PLD5: variants seen among roughly 807,000 people sequenced by gnomAD.
The protein encoded by PLD5 is phospholipase D family member 5.
PLD5 carries 36 observed loss-of-function variants against 61.1 expected under a neutral mutation model. The observed-to-expected ratio is 0.59, with a 90% CI of 0.45 to 0.78. PLD5 has a LOEUF of 0.78. Among genes scored for constraint, PLD5 ranks in the 30% least tolerant of loss-of-function variants. The probability of loss-of-function intolerance (pLI) is 0.00; values close to 1 mark genes in which losing one functional copy is unlikely to be tolerated. For missense variants in PLD5, 515 were observed against 644.4 expected (o/e 0.80, Z 2.17); for synonymous variants, 243 against 242.8 (o/e 1.00, Z -0.01).
At chr1:242,096,682 TG>T (rs370066476) in intron 9 of PLD5, among the ~76,000 whole-genome samples, 21 of 134,890 alleles carry the variant, frequency 1.6e-4, no homozygotes, top group Admixed American at 8.0e-4. Flanking sequence ...AAGTCTTTTT[TG>T]TTTTTTTTTT....
chr1:242,238,777 T>G (rs376247211), intron 4 of PLD5, among the ~76,000 whole-genome samples: 1 of 152,168 alleles, frequency 6.6e-6, no homozygotes, highest in Non-Finnish European at 1.5e-5. Flanking sequence ...TTTGAGGTTA[T>G]GGGGCCATCT....
chr1:242,487,642 A>T lies in PLD5; in HGVS notation c.189+36446T>A, dbSNP rs139740027. On this transcript the variant is annotated intron_variant, in intron 1 of 9. Coordinates refer to ENST00000536534, the MANE Select transcript of PLD5 (RefSeq NM_001372062.1). Reference sequence around the variant, plus strand: ...TGGGAAAATAATCTTTGCAAAATACACAACTGATGGACTGGTATCTAAAAT... The same window carrying T: ...TGGGAAAATAATCTTTGCAAAATACTCAACTGATGGACTGGTATCTAAAAT... Among the ~76,000 whole-genome samples the T allele has an allele frequency of 5.2e-3, 797 of 152,292 alleles. 4 individuals are homozygous for T. Among genetic ancestry groups the T allele is most frequent in the Non-Finnish European group, 8.0e-3 (545 of 68,010 alleles).
At chr1:242,132,046 G>T (rs565214758) in intron 5 of PLD5, among the ~76,000 whole-genome samples, 2 of 151,682 alleles carry the variant, frequency 1.3e-5, no homozygotes, top group Admixed American at 1.3e-4. Context: ...GGCCAGGATG[G>T]TCTTGAACTC....
chr1:242,273,003 C>T (rs1674194981), intron 3 of PLD5, among the ~76,000 whole-genome samples: 1 of 152,096 alleles, frequency 6.6e-6, no homozygotes. Context: ...TGGTTTGCTG[C>T]ACCTGTCAAC....
intron 8 of PLD5, among the ~76,000 whole-genome samples, chr1:242,105,011 T>C (rs1343902148): frequency 6.6e-5 from 10 of 152,186 alleles, no homozygotes; most frequent in Non-Finnish European, 1.2e-4. Flanking sequence ...TAATAAACGA[T>C]GTAGCATTGG....
At chr1:242,449,005 T>C (rs904308768) in intron 1 of PLD5, among the ~76,000 whole-genome samples, 7 of 152,198 alleles carry the variant, frequency 4.6e-5, no homozygotes, top group African/African-American at 1.7e-4. Flanking sequence ...CTTTGAAGAA[T>C]CTCATGGAAA....
intron 1 of PLD5, among the ~76,000 whole-genome samples, chr1:242,417,114 T>A (rs942845964): frequency 6.6e-6 from 1 of 152,182 alleles, no homozygotes; most frequent in East Asian, 1.9e-4. Context: ...GTAGCCCATG[T>A]GTAAAAACCT....
chr1:242,419,292 G>T (rs887094135), intron 1 of PLD5, among the ~76,000 whole-genome samples: 4 of 152,078 alleles, frequency 2.6e-5, no homozygotes, highest in Non-Finnish European at 4.4e-5. Context: ...GGACACAAAA[G>T]TCATGGCAAA....
intron 2 of PLD5, among the ~76,000 whole-genome samples, chr1:242,303,706 C>T (rs1676188446): frequency 6.6e-6 from 1 of 152,126 alleles, no homozygotes; most frequent in Admixed American, 6.5e-5. Context: ...TCAATTATTG[C>T]TAGTATTTGT....
intron 1 of PLD5, among the ~76,000 whole-genome samples, chr1:242,455,887 TAC>T (rs1666928670): frequency 6.6e-6 from 1 of 152,232 alleles, no homozygotes; most frequent in Admixed American, 6.5e-5. Context: ...GCAGGTGTGC[TAC>T]ACCAGTTGTG....
intron 5 of PLD5, among the ~76,000 whole-genome samples, chr1:242,197,121 C>T (rs1270952249): frequency 6.6e-6 from 1 of 152,064 alleles, no homozygotes; most frequent in African/African-American, 2.4e-5. Context: ...CAACGAGGAA[C>T]CCAGGCCGAG....
intron 5 of PLD5, among the ~76,000 whole-genome samples, chr1:242,143,833 C>CTTTCCTTTTTTT (rs560181308): frequency 6.6e-6 from 1 of 151,788 alleles, no homozygotes; most frequent in Non-Finnish European, 1.5e-5. Flanking sequence ...TATTTTATTT[C>CTTTCCTTTTTTT]TTTCCTTTTT....
chr1:242,393,197 G>A (rs1332094552), intron 1 of PLD5, among the ~76,000 whole-genome samples: 3 of 118,012 alleles, frequency 2.5e-5, no homozygotes, highest in African/African-American at 3.6e-5. Context: ...CGACGACTCC[G>A]TCTCAAAAAA....
chr1:242,410,272 A>G (rs77537442), intron 1 of PLD5, among the ~76,000 whole-genome samples: 9,166 of 152,228 alleles, frequency 0.06, 334 homozygotes, highest in East Asian at 0.11. Context: ...TGAGCAGCTA[A>G]GCACATCCAA....
At chr1:242,517,381 T>C (rs944716611) in intron 1 of PLD5, among the ~76,000 whole-genome samples, 1 of 152,224 alleles carries the variant, frequency 6.6e-6, no homozygotes, top group Admixed American at 6.5e-5. Context: ...CAGTTGAGAA[T>C]GTTGTCATGC....
chr1:242,394,082 G>GTA (rs1304586540), intron 1 of PLD5, among the ~76,000 whole-genome samples: 5 of 137,974 alleles, frequency 3.6e-5, no homozygotes, highest in African/African-American at 1.3e-4. Context: ...ATATATATGA[G>GTA]TATATATATG....
chr1:242,457,076 C>T (rs540893317), intron 1 of PLD5, among the ~76,000 whole-genome samples: 3 of 152,208 alleles, frequency 2.0e-5, no homozygotes, highest in East Asian at 1.9e-4. Context: ...CCTGTCAAAC[C>T]GGAGAAGCCA....
At chr1:242,353,788 T>C (rs4484911) in intron 1 of PLD5, among the ~76,000 whole-genome samples, 135,166 of 152,042 alleles carry the variant, frequency 0.89, 61,444 homozygotes, top group Non-Finnish European at 0.98. Context: ...TGTCTTCAAT[T>C]TTTTTCATTA....
At chr1:242,361,821 T>C (rs538153537) in intron 1 of PLD5, among the ~76,000 whole-genome samples, 1 of 152,278 alleles carries the variant, frequency 6.6e-6, no homozygotes, top group Admixed American at 6.5e-5. Flanking sequence ...TTTTATATCA[T>C]TGAACGAGCT....
Sources: gnomAD v4.1 joint callset for allele counts (sites outside exome capture counted in the v4.1 genomes callset) on GRCh38, gnomAD v4.1.1 for gene constraint, MANE v1.5 for transcripts, NCBI Gene and HGNC (gene_info 2026-07-23, HGNC 2026-07-21) for gene names.